GNS: variants seen among roughly 807,000 people sequenced by gnomAD.
The protein encoded by GNS is N-acetylglucosamine-6-sulfatase.
Under a neutral mutation model 69.7 loss-of-function variants are expected in GNS, and 40 were observed. The ratio of observed to expected loss-of-function variants is 0.57; its 90% CI spans 0.45 to 0.75. The LOEUF (loss-of-function observed/expected upper bound fraction) is 0.75, where lower values mean the gene tolerates loss of function less well. Among genes scored for constraint, GNS ranks in the 30% least tolerant of loss-of-function variants. The probability of loss-of-function intolerance (pLI) is 0.00; values close to 1 mark genes in which losing one functional copy is unlikely to be tolerated. For missense variants in GNS, 565 were observed against 685.5 expected (o/e 0.82, Z 1.96); for synonymous variants, 243 against 251.6 (o/e 0.97, Z 0.32).
chr12:64,719,520 T>C (rs898488977), intron 13 of GNS, among the ~76,000 whole-genome samples: 1 of 152,210 alleles, frequency 6.6e-6, no homozygotes, highest in Non-Finnish European at 1.5e-5. Context: ...CTCCATATCG[T>C]GCAATGGGCT....
intron 13 of GNS, 37 bp from the exon 14 acceptor site, chr12:64,716,856 C>G: frequency 8.1e-7 from 1 of 1,238,626 alleles, no homozygotes; most frequent in South Asian, 1.2e-5. Flanking sequence ...TTAGCTCTCA[C>G]TAGCTTCTCA....
At chr12:64,733,512 A>G (rs954703776) in intron 9 of GNS, among the ~76,000 whole-genome samples, 1 of 152,116 alleles carries the variant, frequency 6.6e-6, no homozygotes, top group Non-Finnish European at 1.5e-5. Flanking sequence ...AAGGCTCCAA[A>G]CATACCAGAA....
intron 6 of GNS, among the ~76,000 whole-genome samples, chr12:64,742,186 A>G (rs760896682): frequency 6.6e-6 from 1 of 151,980 alleles, no homozygotes; most frequent in Non-Finnish European, 1.5e-5. Flanking sequence ...ACGCCCGGCT[A>G]ATTTTTTGTA....
intron 2 of GNS, among the ~76,000 whole-genome samples, chr12:64,752,064 C>G (rs1007575219): frequency 1.3e-5 from 2 of 151,046 alleles, no homozygotes. Flanking sequence ...GATTTTGGTA[C>G]TCCCTTTTAT....
At chr12:64,750,419 C>T (rs1302102793) in intron 2 of GNS, among the ~76,000 whole-genome samples, 1 of 151,836 alleles carries the variant, frequency 6.6e-6, no homozygotes, top group Non-Finnish European at 1.5e-5. Context: ...TGGTCTCAAA[C>T]TCCTGAGCTC....
At chr12:64,722,403 T>C (rs1869059760) in intron 11 of GNS, among the ~76,000 whole-genome samples, 1 of 152,220 alleles carries the variant, frequency 6.6e-6, no homozygotes, top group South Asian at 2.1e-4. Context: ...TGGAGTCATG[T>C]GCAAGTAAGT....
At chr12:64,746,430 G>T (rs1869901943) in intron 3 of GNS, among the ~76,000 whole-genome samples, 1 of 152,180 alleles carries the variant, frequency 6.6e-6, no homozygotes, top group South Asian at 2.1e-4. Context: ...CAGATTTTCA[G>T]ATTTGGACTG....
chr12:64,752,630 G>A (rs988160760), intron 2 of GNS, 68 bp downstream of exon 2: 15 of 825,420 alleles, frequency 1.8e-5, no homozygotes, highest in African/African-American at 1.2e-4. Flanking sequence ...AGATTCCCGA[G>A]AAGAGAGTAT....
intron 13 of GNS, among the ~76,000 whole-genome samples, chr12:64,717,751 C>A (rs1038655977): frequency 6.6e-6 from 1 of 152,012 alleles, no homozygotes; most frequent in Non-Finnish European, 1.5e-5. Flanking sequence ...AAGTTAGGGC[C>A]ACAGTGCATG....
Position 64,716,475 on chromosome 12 carries a change from TAC to T in GNS, c.*264_*265del. 3.9e-6 allele frequency: 2 copies of T among 507,518 alleles called. No homozygotes were observed. The highest frequency in any genetic ancestry group is 2.1e-5 in the South Asian group (1 of 47,338). 31.4% of individuals were successfully genotyped at this position (507,518 alleles called of 1,614,324 possible). On this transcript the variant is annotated 3_prime_UTR_variant, in exon 14 of 14. Coordinates refer to ENST00000258145, the MANE Select transcript of GNS (RefSeq NM_002076.4). ...AACTGTGGCCCCAGGATAAAAAGAA[TAC>T]AGTGAGAACAAAGACCTCAGGAGTG...
chr12:64,722,311 C>T (rs1869056635), intron 11 of GNS, among the ~76,000 whole-genome samples: 1 of 152,156 alleles, frequency 6.6e-6, no homozygotes, highest in Admixed American at 6.5e-5. Flanking sequence ...AGCCACAGTA[C>T]CCAGCCCAAA....
intron 10 of GNS, among the ~76,000 whole-genome samples, chr12:64,726,559 A>G (rs948539026): frequency 4.6e-5 from 7 of 152,182 alleles, no homozygotes; most frequent in Non-Finnish European, 8.8e-5. Context: ...CAGTGGTGTG[A>G]TCTCTGCTCA....
In GNS at chr12:64,721,646, C is replaced by T. The variant is rs201966474; in HGVS notation, c.1368G>A (p.Arg456=). The change falls in exon 12 of 14, where the codon AGG becomes AGA. Residue 456 remains arginine, a synonymous_variant. Transcript: ENST00000258145. ...DAYNNTYACV[R]TMSALWNLQY... is the part of the protein sequence containing the mutation. ...GCAAATTCCACAATGCTGACATTGTCCTCACACAGGCATAGGTATTGTTAT... is the reference window on the plus strand; with the variant it reads ...GCAAATTCCACAATGCTGACATTGTTCTCACACAGGCATAGGTATTGTTAT... 4.4e-5 allele frequency: 70 copies of T among 1,602,120 alleles called. No homozygotes were observed. The Middle Eastern group carries it at 6.6e-4, about 15-fold the overall frequency.
At chr12:64,758,395 TCA>T (rs902059147) in intron 1 of GNS, among the ~76,000 whole-genome samples, 1 of 139,586 alleles carries the variant, frequency 7.2e-6, no homozygotes, top group African/African-American at 2.7e-5. Context: ...CGATCTCGGC[TCA>T]CTGCAACTGC....
At chr12:64,732,770 T>G (rs923155809) in intron 9 of GNS, among the ~76,000 whole-genome samples, 1 of 151,940 alleles carries the variant, frequency 6.6e-6, no homozygotes, top group South Asian at 2.1e-4. Context: ...CTAATTTTTG[T>G]ATTTTTAGTA....
At chr12:64,755,946 C>T (rs1222387983) in intron 1 of GNS, among the ~76,000 whole-genome samples, 1 of 152,066 alleles carries the variant, frequency 6.6e-6, no homozygotes. Flanking sequence ...GGATTACAGG[C>T]GTGAGCCACC....
At chr12:64,722,300 G>A (rs1869056035) in intron 11 of GNS, among the ~76,000 whole-genome samples, 1 of 152,124 alleles carries the variant, frequency 6.6e-6, no homozygotes, top group Non-Finnish European at 1.5e-5. Context: ...TTACAGGTGT[G>A]AGCCACAGTA....
At chr12:64,758,783 A>C (rs549003465) in intron 1 of GNS, among the ~76,000 whole-genome samples, 24 of 152,266 alleles carry the variant, frequency 1.6e-4, no homozygotes, top group African/African-American at 5.8e-4. Flanking sequence ...CCTGATCCTC[A>C]TTGGTTCAAC....
chr12:64,737,506 C>T (rs1184495473), intron 8 of GNS, among the ~76,000 whole-genome samples: 1 of 152,100 alleles, frequency 6.6e-6, no homozygotes, highest in Non-Finnish European at 1.5e-5. Flanking sequence ...TCAAAATAAC[C>T]AAATAACTGA....
Sources: allele counts gnomAD v4.1 joint callset (sites outside exome capture counted in the v4.1 genomes callset), GRCh38; gene constraint gnomAD v4.1.1; transcripts MANE v1.5; gene names NCBI Gene and HGNC (gene_info 2026-07-23, HGNC 2026-07-21).